The following SLC36A1 variants were observed in gnomAD, a reference collection of about 807,000 sequenced individuals.
SLC36A1 encodes solute carrier family 36 member 1.
In SLC36A1, 30 loss-of-function variants were observed where a neutral mutation model predicts 47.5. That is an observed-to-expected ratio of 0.63 (90% confidence interval 0.47 to 0.86). SLC36A1 has a LOEUF of 0.86. Ranked by LOEUF, SLC36A1 falls within the 40% of genes least tolerant of loss-of-function variation. The pLI, the probability that SLC36A1 is intolerant of heterozygous loss-of-function variation, is 0.00. For missense variants in SLC36A1, 517 were observed against 606.0 expected, an observed-to-expected ratio of 0.85 and a Z score of 1.54; for synonymous variants, 255 against 249.7, an observed-to-expected ratio of 1.02 and a Z score of -0.20.
the SLC36A1 span, among the ~76,000 whole-genome samples, chr5:151,524,332 T>G: frequency 6.6e-6 from 1 of 152,224 alleles, no homozygotes; most frequent in Non-Finnish European, 1.5e-5. Context: ...TTGGACTCTA[T>G]GTTTGTGTCC....
the SLC36A1 span, chr5:151,543,296 C>T: frequency 6.2e-7 from 1 of 1,614,200 alleles, no homozygotes; most frequent in Non-Finnish European, 8.5e-7. Flanking sequence ...TCATCTGCAT[C>T]ATAGGCCAAC....
the SLC36A1 span, among the ~76,000 whole-genome samples, chr5:151,356,359 A>AAAAAAAAAAAAAAAAC: frequency 6.7e-6 from 1 of 149,496 alleles, no homozygotes; most frequent in Non-Finnish European, 1.5e-5. Flanking sequence ...AAAAAAAAAA[A>AAAAAAAAAAAAAAAAC]AGAATACACG....
chr5:151,488,593 T>G lies in SLC36A1; in HGVS notation c.*339T>G, dbSNP rs549095924. 4.6e-4 allele frequency: 123 copies of G among 268,774 alleles called. No homozygotes were observed. Among genetic ancestry groups the G allele is most frequent in the Middle Eastern group, 1.2e-3 (1 of 820 alleles). 16.6% of individuals were successfully genotyped at this position (268,774 alleles called of 1,614,324 possible). A position where few individuals can be genotyped will look rare whatever the true frequency, so the allele number is the denominator to read the frequency against. On this transcript the variant is annotated 3_prime_UTR_variant, in exon 11 of 11. Coordinates refer to ENST00000243389, the MANE Select transcript of SLC36A1 (RefSeq NM_078483.4). The stretch of plus-strand genomic sequence containing the variant: ...GCCCAACTCATTCTTACTGCACAGT[T>G]CACTTTATTTAACAATTTTCATGTC...
At chr5:151,474,183 A>AAAAAAAAAAAATTATCTTC (rs1561770143) in intron 8 of SLC36A1, among the ~76,000 whole-genome samples, 1 of 145,360 alleles carries the variant, frequency 6.9e-6, no homozygotes, top group African/African-American at 2.8e-5. Context: ...AAAAAAAGAA[A>AAAAAAAAAAAATTATCTTC]TTATCTTCTG....
intron 7 of SLC36A1, among the ~76,000 whole-genome samples, chr5:151,472,772 G>A (rs1757495516): frequency 6.6e-6 from 1 of 152,182 alleles, no homozygotes; most frequent in Non-Finnish European, 1.5e-5. Flanking sequence ...TTATGTAGTT[G>A]TATCAGAGTG....
chr5:151,378,066 T>C, the SLC36A1 span: 2 of 332,122 alleles, frequency 6.0e-6, no homozygotes, highest in South Asian at 7.4e-5. Flanking sequence ...GGTGATGTGA[T>C]CTTCACTAAG....
At chr5:151,426,848 A>G in the SLC36A1 span, among the ~76,000 whole-genome samples, 1 of 152,224 alleles carries the variant, frequency 6.6e-6, no homozygotes, top group Non-Finnish European at 1.5e-5. Flanking sequence ...GGCCTTCCGC[A>G]GCGCATTTTG....
chr5:151,531,676 G>A, the SLC36A1 span: 2 of 1,613,764 alleles, frequency 1.2e-6, no homozygotes, highest in South Asian at 1.1e-5. The surrounding 1 kb of genome is among the most constrained non-coding windows in gnomAD (Gnocchi z 5.7). Context: ...AGTGAGGGTG[G>A]CCAGCTGCAG....
chr5:151,441,760 C>G (rs903878868), intron 1 of SLC36A1, among the ~76,000 whole-genome samples: 1 of 151,970 alleles, frequency 6.6e-6, no homozygotes, highest in Non-Finnish European at 1.5e-5. Flanking sequence ...TACTGAATAT[C>G]TTAATGCTTT....
chr5:151,472,868 T>C (rs1325190813), intron 7 of SLC36A1, among the ~76,000 whole-genome samples: 1 of 152,224 alleles, frequency 6.6e-6, no homozygotes, highest in African/African-American at 2.4e-5. Flanking sequence ...CAATTTTTAC[T>C]TTTTAATAGT....
chr5:151,444,518 T>C (rs1752809622), upstream of SLC36A1, among the ~76,000 whole-genome samples: 1 of 151,952 alleles, frequency 6.6e-6, no homozygotes, highest in Non-Finnish European at 1.5e-5. Flanking sequence ...TGAGATGGAG[T>C]CTCACTCTGT....
the SLC36A1 span, among the ~76,000 whole-genome samples, chr5:151,429,727 T>A: frequency 6.6e-6 from 1 of 152,156 alleles, no homozygotes; most frequent in Non-Finnish European, 1.5e-5. Flanking sequence ...TAGCCACATG[T>A]TATCCTGCAT....
the SLC36A1 span, among the ~76,000 whole-genome samples, chr5:151,513,757 GA>G: frequency 2.0e-5 from 3 of 151,850 alleles, no homozygotes; most frequent in African/African-American, 4.8e-5. Flanking sequence ...AAAATTGGAA[GA>G]AAAAAATTAT....
chr5:151,377,786 T>A, the SLC36A1 span, among the ~76,000 whole-genome samples: 8 of 152,374 alleles, frequency 5.3e-5, no homozygotes, highest in Admixed American at 2.6e-4. Context: ...TCTTCTTTTT[T>A]AACTATTTTT....
the SLC36A1 span, among the ~76,000 whole-genome samples, chr5:151,522,767 C>T: frequency 6.6e-6 from 1 of 152,128 alleles, no homozygotes; most frequent in African/African-American, 2.4e-5. Context: ...GTGTAAGGTC[C>T]TGGGGTAGGA....
chr5:151,433,909 G>T (rs1350372136), upstream of SLC36A1, among the ~76,000 whole-genome samples: 1 of 117,770 alleles, frequency 8.5e-6, no homozygotes, highest in Non-Finnish European at 1.7e-5. Context: ...TGGAAAAAAA[G>T]TGACTGTCCT....
the SLC36A1 span, among the ~76,000 whole-genome samples, chr5:151,421,428 A>G: frequency 6.7e-6 from 1 of 148,808 alleles, no homozygotes; most frequent in South Asian, 2.1e-4. Flanking sequence ...TTTTTTGTAG[A>G]GATGGGGTTT....
the SLC36A1 span, among the ~76,000 whole-genome samples, chr5:151,423,415 TAAAC>T: frequency 2.0e-5 from 3 of 152,158 alleles, no homozygotes; most frequent in Non-Finnish European, 4.4e-5. Flanking sequence ...AATGGATAAA[TAAAC>T]AATGACACAC....
chr5:151,539,418 GT>G, the SLC36A1 span, among the ~76,000 whole-genome samples: 1 of 152,204 alleles, frequency 6.6e-6, no homozygotes, highest in African/African-American at 2.4e-5. Flanking sequence ...ATGTGAATTT[GT>G]TACGTATAGT....
Sources: allele counts gnomAD v4.1 joint callset (sites outside exome capture counted in the v4.1 genomes callset), GRCh38; gene constraint gnomAD v4.1.1; non-coding constraint Gnocchi (gnomAD v3.1); transcripts MANE v1.5; gene names NCBI Gene and HGNC (gene_info 2026-07-23, HGNC 2026-07-21).